Variants in UBN2 observed in about 807,000 individuals in gnomAD.
UBN2 encodes ubinuclein 2, also known as ubinuclein-2.
In UBN2, 35 loss-of-function variants were observed where a neutral mutation model predicts 120.2. The observed-to-expected ratio is 0.29, with a 90% CI of 0.22 to 0.39. The LOEUF (loss-of-function observed/expected upper bound fraction) is 0.39. Among genes scored for constraint, UBN2 ranks in the 10% least tolerant of loss-of-function variants. The probability of loss-of-function intolerance (pLI) is 1.00; values close to 1 mark genes in which losing one functional copy is unlikely to be tolerated. For missense variants in UBN2, 1,693 were observed against 1,663.2 expected (o/e 1.02, Z -0.31); for synonymous variants, 661 against 648.7 (o/e 1.02, Z -0.29).
Position 139,283,723 on chromosome 7 carries a change from G to A in UBN2, c.2818G>A (p.Val940Met), listed in dbSNP as rs752685674. ...GCATTCAGCTGTCCAGCAGAACTAT[G>A]TGTCTCCATTACAGGCCACCATCAG... Reference protein sequence around the residue: ...HQHSAVQQNYVSPLQATISKS... With the variant: ...HQHSAVQQNYMSPLQATISKS... Residue 940 changes from valine (V) to methionine (M), a missense_variant, in exon 15 of 18, where the codon GTG becomes ATG. Val to Met is a conservative substitution (Grantham distance 21). Transcript: ENST00000473989. The A allele has an allele frequency of 1.9e-6, 3 of 1,613,808 alleles. No individual in the cohort carries two copies. Among genetic ancestry groups the A allele is most frequent in the African/African-American group, 1.3e-5 (1 of 74,922 alleles).
chr7:139,268,319 C>G (rs1797158544), intron 7 of UBN2, among the ~76,000 whole-genome samples: 1 of 151,820 alleles, frequency 6.6e-6, no homozygotes, highest in African/African-American at 2.4e-5. Flanking sequence ...TAGTCACTTT[C>G]TTATTCCCTC....
chr7:139,313,714 A>G, the UBN2 span, among the ~76,000 whole-genome samples: 6 of 152,252 alleles, frequency 3.9e-5, no homozygotes, highest in South Asian at 1.2e-3. Flanking sequence ...GTGTTATTCT[A>G]GATTTTTGGT....
rs984744692 is a variant in UBN2 at position 139,305,362 on chromosome 7, C to G, written c.*7526C>G. 4 of 152,042 alleles carry G rather than the reference C, an allele frequency of 2.6e-5. No homozygotes were observed. Among genetic ancestry groups the G allele is most frequent in the Admixed American group, 6.6e-5 (1 of 15,258 alleles). The allele number at this position is 152,042 out of a possible 1,614,324, so 9.4% of individuals were successfully genotyped here. A position where few individuals can be genotyped will look rare whatever the true frequency, so the allele number is the denominator to read the frequency against. ...TCACTCTGGCAACCTATCCTGTGTCCCCATAGAACTGAGAAGTAAAGCCCT... is the reference window on the plus strand; with the variant it reads ...TCACTCTGGCAACCTATCCTGTGTCGCCATAGAACTGAGAAGTAAAGCCCT... On this transcript the variant is annotated 3_prime_UTR_variant, in exon 18 of 18. Transcript: ENST00000473989.
Position 139,231,595 on chromosome 7 carries a change from G to A in UBN2, c.111G>A (p.Arg37=). ...REPEYPREPP[R]LEPQPYREPA... ...CCGAGTACCCCCGCGAGCCCCCCCG[G>A]CTGGAGCCGCAGCCGTACCGCGAGC... Residue 37 remains arginine (R), a synonymous_variant, in exon 1 of 18, where the codon CGG becomes CGA. Transcript: ENST00000473989. 7.2e-7 allele frequency: 1 copy of A among 1,388,050 alleles called. No individual in the cohort carries two copies. The highest frequency in any genetic ancestry group is 9.4e-7 in the Non-Finnish European group (1 of 1,062,592). 86.0% of individuals were successfully genotyped at this position (1,388,050 alleles called of 1,614,324 possible).
At chr7:139,281,114 A>G (rs992189464) in intron 13 of UBN2, among the ~76,000 whole-genome samples, 1 of 152,158 alleles carries the variant, frequency 6.6e-6, no homozygotes, top group Non-Finnish European at 1.5e-5. Context: ...ATTTTGATAC[A>G]TCTATTCAAA....
chr7:139,320,331 A>G, the UBN2 span, among the ~76,000 whole-genome samples: 2,922 of 151,320 alleles, frequency 0.019, 105 homozygotes, highest in African/African-American at 0.067. Flanking sequence ...GCGTGGTGGC[A>G]GGCACCTGTA....
intron 15 of UBN2, among the ~76,000 whole-genome samples, chr7:139,292,785 C>T (rs1474042844): frequency 6.6e-6 from 1 of 151,986 alleles, no homozygotes; most frequent in Non-Finnish European, 1.5e-5. Flanking sequence ...AGGCTCATGG[C>T]GAGGAAGAAC....
At chr7:139,311,620 G>T (rs1798449510), downstream of UBN2, among the ~76,000 whole-genome samples, 4 of 152,192 alleles carry the variant, frequency 2.6e-5, no homozygotes, top group African/African-American at 9.6e-5. Flanking sequence ...CTTATAAATG[G>T]TGGCTACTAT....
chr7:139,231,781 C>G lies in UBN2; in HGVS notation c.297C>G (p.Phe99Leu). 1.5e-6 allele frequency: 2 copies of G among 1,293,170 alleles called. No individual in the cohort carries two copies. Among genetic ancestry groups the G allele is most frequent in the Non-Finnish European group, 1.9e-6 (2 of 1,026,274 alleles). 80.1% of individuals were successfully genotyped at this position (1,293,170 alleles called of 1,614,324 possible). ...EPPRPEPPPP[F>L]PPLPLQPPPP... ...CGCGGCCCGAGCCGCCGCCGCCGTT[C>G]CCGCCGCTGCCCTTGCAGCCGCCCC... is the stretch of plus-strand genomic sequence containing the variant. Residue 99 changes from phenylalanine (F) to leucine (L), a missense_variant, in exon 1 of 18, where the codon TTC becomes TTG. By Grantham distance (22) the Phe-to-Leu change is conservative. Transcript: ENST00000473989.
chr7:139,295,380 G>GT (rs1798079572), intron 17 of UBN2, among the ~76,000 whole-genome samples: 2 of 152,130 alleles, frequency 1.3e-5, no homozygotes. Flanking sequence ...ACTAAAGCAT[G>GT]TCCCCCCCTG....
In UBN2 at chr7:139,261,285, A is replaced by G. The variant is rs868652337; in HGVS notation, c.939A>G (p.Lys313=). The change falls in exon 6 of 18, where the codon AAA becomes AAG. Residue 313 remains lysine (K), a synonymous_variant. Transcript: ENST00000473989. ...VVALNSHKSE[K]KKKRYKDSLS... Reference sequence around the variant, plus strand: ...CTCTAAATTCACACAAGTCTGAAAAAAAGAAGAAACGTTATAAAGATTCTC... The same window carrying G: ...CTCTAAATTCACACAAGTCTGAAAAGAAGAAGAAACGTTATAAAGATTCTC... 2 of 1,610,376 alleles carry G rather than the reference A, an allele frequency of 1.2e-6. No individual in the cohort carries two copies. Among genetic ancestry groups the G allele is most frequent in the African/African-American group, 2.7e-5 (2 of 74,508 alleles).
chr7:139,255,373 C>G (rs900741049), intron 3 of UBN2, among the ~76,000 whole-genome samples: 7 of 152,108 alleles, frequency 4.6e-5, no homozygotes, highest in Non-Finnish European at 8.8e-5. Flanking sequence ...CATTGGTAGA[C>G]TATACAGTTT....
chr7:139,254,750 A>T (rs1034201750), intron 3 of UBN2, among the ~76,000 whole-genome samples: 1 of 152,248 alleles, frequency 6.6e-6, no homozygotes, highest in Non-Finnish European at 1.5e-5. Flanking sequence ...ACATGTACTC[A>T]CACTTACATA....
At chr7:139,264,930 G>A (rs769102054) in intron 6 of UBN2, among the ~76,000 whole-genome samples, 13 of 152,028 alleles carry the variant, frequency 8.6e-5, no homozygotes, top group African/African-American at 2.9e-4. Flanking sequence ...GATATTTTTG[G>A]GGTACATGTC....
chr7:139,271,636 C>T (rs1797278321), intron 8 of UBN2, among the ~76,000 whole-genome samples: 1 of 151,872 alleles, frequency 6.6e-6, no homozygotes, highest in Non-Finnish European at 1.5e-5. Context: ...AATATTTCTG[C>T]ACCTATGATG....
intron 15 of UBN2, among the ~76,000 whole-genome samples, chr7:139,285,404 T>TG (rs1331775589): frequency 6.6e-6 from 1 of 152,252 alleles, no homozygotes; most frequent in Non-Finnish European, 1.5e-5. Context: ...AATTTCTTTC[T>TG]GTGCTGTCAC....
chr7:139,254,765 G>A (rs1422503468), intron 3 of UBN2, among the ~76,000 whole-genome samples: 3 of 152,196 alleles, frequency 2.0e-5, no homozygotes, highest in Non-Finnish European at 4.4e-5. Flanking sequence ...TACATAAATA[G>A]CTTTTTTAAA....
chr7:139,252,493 C>T (rs1044822273), intron 3 of UBN2, among the ~76,000 whole-genome samples: 1 of 152,056 alleles, frequency 6.6e-6, no homozygotes, highest in African/African-American at 2.4e-5. Context: ...TATAATTTTT[C>T]GTGTGTTGTG....
At chr7:139,287,938 G>C (rs1355361620) in intron 15 of UBN2, among the ~76,000 whole-genome samples, 2 of 152,164 alleles carry the variant, frequency 1.3e-5, no homozygotes, top group African/African-American at 4.8e-5. Context: ...GAAAATGACA[G>C]GTCCTTTAAC....
Sources: allele counts gnomAD v4.1 joint callset (sites outside exome capture counted in the v4.1 genomes callset), GRCh38; gene constraint gnomAD v4.1.1; transcripts MANE v1.5; gene names NCBI Gene and HGNC (gene_info 2026-07-23, HGNC 2026-07-21).